PTPRD: variants seen among roughly 807,000 people sequenced by gnomAD.
The protein encoded by PTPRD is receptor-type tyrosine-protein phosphatase delta.
Under a neutral mutation model 214.5 loss-of-function variants are expected in PTPRD, and 34 were observed. That is an observed-to-expected ratio of 0.16 (90% confidence interval 0.12 to 0.21). PTPRD has a LOEUF of 0.21. PTPRD is among the 10% of genes least tolerant of loss of function. The pLI, the probability that PTPRD is intolerant of heterozygous loss-of-function variation, is 1.00. For synonymous variants in PTPRD, 1,128 were observed against 845.7 expected (o/e 1.33, Z -5.79); for missense variants, 2,545 against 2,398.7 (o/e 1.06, Z -1.27).
intron 8 of PTPRD, among the ~76,000 whole-genome samples, chr9:9,569,777 A>G (rs952432829): frequency 6.6e-6 from 1 of 151,528 alleles, no homozygotes; most frequent in African/African-American, 2.4e-5. Flanking sequence ...TGTGTAAATC[A>G]TATAGAGTAA....
rs140010645 is a variant in PTPRD, at chr9:10,133,784, A to T, written c.-544-99994T>A. ...TTCATAAATGAATTTAATTAATGCT[A>T]TACTAACATTTATTTGAAAAATACA... On this transcript the variant is annotated intron_variant, in intron 3 of 45. Transcript: ENST00000381196. Among the ~76,000 whole-genome samples the T allele has an allele frequency of 6.3e-4, 96 of 151,698 alleles. No individual in the cohort carries two copies. The East Asian group carries it at 9.7e-3, about 15-fold the overall frequency.
chr9:9,763,771 A>G (rs1423443584), intron 6 of PTPRD, among the ~76,000 whole-genome samples: 2 of 152,030 alleles, frequency 1.3e-5, no homozygotes, highest in Non-Finnish European at 2.9e-5. Context: ...TTTTTTGATA[A>G]TTTGCATTAA....
At chr9:9,772,044 C>T (rs1251527640) in intron 5 of PTPRD, among the ~76,000 whole-genome samples, 1 of 152,038 alleles carries the variant, frequency 6.6e-6, no homozygotes, top group Non-Finnish European at 1.5e-5. Flanking sequence ...TGTTGAAGTC[C>T]TAACCCCCAG....
At chr9:9,782,117 C>T (rs1463311334) in intron 5 of PTPRD, among the ~76,000 whole-genome samples, 1 of 151,938 alleles carries the variant, frequency 6.6e-6, no homozygotes, top group Admixed American at 6.6e-5. Context: ...ATACCTTTCT[C>T]CAGAAGTATT....
chr9:9,713,127 C>T (rs1192196415), intron 7 of PTPRD, among the ~76,000 whole-genome samples: 1 of 132,628 alleles, frequency 7.5e-6, no homozygotes, highest in Non-Finnish European at 1.6e-5. Flanking sequence ...CTGATATCCA[C>T]CTTTGGTTTT....
At chr9:9,146,046 G>T (rs533613746) in intron 10 of PTPRD, among the ~76,000 whole-genome samples, 8 of 152,246 alleles carry the variant, frequency 5.3e-5, no homozygotes, top group African/African-American at 1.7e-4. Context: ...GACTCTCCTT[G>T]TAAAAATTAC....
intron 8 of PTPRD, among the ~76,000 whole-genome samples, chr9:9,495,559 T>G (rs2096139700): frequency 6.8e-6 from 1 of 147,648 alleles, no homozygotes; most frequent in Non-Finnish European, 1.5e-5. Flanking sequence ...CTCAGGGAGA[T>G]GGCTGGACCT....
At chr9:9,940,149 G>A (rs931722141) in intron 4 of PTPRD, among the ~76,000 whole-genome samples, 9 of 152,162 alleles carry the variant, frequency 5.9e-5, no homozygotes, top group Non-Finnish European at 8.8e-5. Flanking sequence ...AGGGATGAGG[G>A]GAGTGAGCAG....
chr9:10,168,957 G>A (rs1020440434), intron 3 of PTPRD, among the ~76,000 whole-genome samples: 1 of 152,060 alleles, frequency 6.6e-6, no homozygotes, highest in Admixed American at 6.6e-5. Context: ...ATGGACTGGA[G>A]GAGCCAATCC....
chr9:9,832,053 T>C (rs1233071190), intron 5 of PTPRD, among the ~76,000 whole-genome samples: 2 of 152,016 alleles, frequency 1.3e-5, no homozygotes, highest in Non-Finnish European at 2.9e-5. Context: ...GTCTTTAACC[T>C]ACCATTCTCT....
chr9:10,136,794 C>T (rs2098947611), intron 3 of PTPRD, among the ~76,000 whole-genome samples: 1 of 61,184 alleles, frequency 1.6e-5, no homozygotes, highest in African/African-American at 7.2e-5. Context: ...TTTTCGCAAC[C>T]TACTCATCTG....
chr9:8,501,976 C>T lies in PTPRD; in HGVS notation c.1823-917G>A, dbSNP rs569198627. Among the ~76,000 whole-genome samples the T allele has an allele frequency of 5.3e-5, 8 of 152,042 alleles. No individual in the cohort carries two copies. In the South Asian group the frequency reaches 1.7e-3, roughly 32 times the overall value. On this transcript the variant is annotated intron_variant, in intron 23 of 45. Transcript: ENST00000381196. ...TTAAAAAGAACTGTTTTTTTAAAAA[C>T]CCAAGTATCAACTGGAAAAGATATA... is the stretch of plus-strand genomic sequence containing the variant.
At chr9:10,239,823 C>G (rs1329407677) in intron 3 of PTPRD, among the ~76,000 whole-genome samples, 1 of 151,940 alleles carries the variant, frequency 6.6e-6, no homozygotes, top group South Asian at 2.1e-4. Flanking sequence ...CTCCCGCCCT[C>G]CTGCCTCTTG....
intron 41 of PTPRD, 64 bp from the exon 42 acceptor site, chr9:8,340,533 G>T (rs1851482147): frequency 2.1e-6 from 3 of 1,421,986 alleles, no homozygotes; most frequent in East Asian, 4.7e-5. Flanking sequence ...AGCTCACACT[G>T]GATACATAAA....
At chr9:8,723,005 T>G (rs2098518137) in intron 12 of PTPRD, among the ~76,000 whole-genome samples, 1 of 152,176 alleles carries the variant, frequency 6.6e-6, no homozygotes, top group Admixed American at 6.5e-5. Context: ...TATATACACA[T>G]TTTGTCCTAG....
chr9:10,286,707 C>G (rs891037485), intron 3 of PTPRD, among the ~76,000 whole-genome samples: 2 of 152,024 alleles, frequency 1.3e-5, no homozygotes, highest in African/African-American at 4.8e-5. Context: ...AAGCAATTCT[C>G]CTTGCTACAG....
At chr9:8,652,083 C>G (rs1338665957) in intron 12 of PTPRD, among the ~76,000 whole-genome samples, 5 of 152,146 alleles carry the variant, frequency 3.3e-5, no homozygotes, top group Non-Finnish European at 7.4e-5. Flanking sequence ...TATTTGCCAG[C>G]TAACTTTTTC....
chr9:10,288,262 GA>G (rs2095424178), intron 3 of PTPRD, among the ~76,000 whole-genome samples: 1 of 150,790 alleles, frequency 6.6e-6, no homozygotes, highest in African/African-American at 2.4e-5. Context: ...TAACCACCAA[GA>G]AAAGCAAAAT....
intron 3 of PTPRD, among the ~76,000 whole-genome samples, chr9:10,198,487 C>T (rs73398314): frequency 2.0e-5 from 3 of 151,776 alleles, no homozygotes; most frequent in Admixed American, 6.6e-5. Context: ...CCTGAAGAGG[C>T]GGGTCAAAAA....
Sources: allele counts gnomAD v4.1 joint callset (sites outside exome capture counted in the v4.1 genomes callset), GRCh38; gene constraint gnomAD v4.1.1; transcripts MANE v1.5; gene names NCBI Gene and HGNC (gene_info 2026-07-23, HGNC 2026-07-21).